Variants in BACH2 observed in about 807,000 individuals in gnomAD.
BACH2 encodes BACH transcriptional regulator 2.
A neutral mutation model predicts 61.8 loss-of-function variants in BACH2; 5 were observed. The ratio of observed to expected loss-of-function variants is 0.08; its 90% CI spans 0.04 to 0.17. BACH2 has a LOEUF of 0.17. Among genes scored for constraint, BACH2 ranks in the 10% least tolerant of loss-of-function variants. The pLI is 1.00. For synonymous variants in BACH2, 446 were observed against 440.1 expected (o/e 1.01, Z -0.17); for missense variants, 824 against 1,091.1 (o/e 0.76, Z 3.45).
At chr6:90,249,289 C>T (rs62408226) in intron 3 of BACH2, among the ~76,000 whole-genome samples, 1 of 152,072 alleles carries the variant, frequency 6.6e-6, no homozygotes, top group African/African-American at 2.4e-5. Context: ...TGTGATGTGG[C>T]CCCATAAAAA....
At chr6:90,191,764 C>T (rs1768582188) in intron 4 of BACH2, among the ~76,000 whole-genome samples, 1 of 152,108 alleles carries the variant, frequency 6.6e-6, no homozygotes, top group Non-Finnish European at 1.5e-5. Context: ...CAGTATCTGG[C>T]AAACAGGGAT....
intron 4 of BACH2, among the ~76,000 whole-genome samples, chr6:90,195,242 T>C (rs985969517): frequency 5.3e-5 from 8 of 152,170 alleles, no homozygotes; most frequent in African/African-American, 1.9e-4. Flanking sequence ...TTGTTGTGAA[T>C]GTCAGGGCTG....
intron 7 of BACH2, among the ~76,000 whole-genome samples, chr6:89,940,977 G>T (rs1387194995): frequency 2.6e-5 from 4 of 151,886 alleles, no homozygotes; most frequent in Admixed American, 6.6e-5. Context: ...CAAATGGACT[G>T]GACAGTGCCA....
At chr6:90,254,436 CT>C (rs571453016) in intron 2 of BACH2, among the ~76,000 whole-genome samples, 135 of 152,052 alleles carry the variant, frequency 8.9e-4, no homozygotes, top group African/African-American at 3.1e-3. Flanking sequence ...ATAAAATAAT[CT>C]GCTATATAAA....
chr6:90,256,731 C>T (rs925482065), intron 2 of BACH2, among the ~76,000 whole-genome samples: 11 of 152,232 alleles, frequency 7.2e-5, no homozygotes, highest in Middle Eastern at 3.4e-3. Context: ...ACATATCCAT[C>T]ATCTCAGTTA....
At chr6:89,990,846 A>G (rs1776506997) in intron 6 of BACH2, among the ~76,000 whole-genome samples, 2 of 152,234 alleles carry the variant, frequency 1.3e-5, no homozygotes. Context: ...GTGAAAGCTC[A>G]GAGTTTTGCC....
chr6:90,088,086 A>AG (rs1332774338), intron 5 of BACH2, among the ~76,000 whole-genome samples: 1 of 151,616 alleles, frequency 6.6e-6, no homozygotes, highest in African/African-American at 2.4e-5. Flanking sequence ...TATGTCCAGG[A>AG]GTTCAAGTGT....
chr6:90,132,491 T>C (rs1241553322), intron 4 of BACH2, among the ~76,000 whole-genome samples: 1 of 152,218 alleles, frequency 6.6e-6, no homozygotes, highest in Non-Finnish European at 1.5e-5. Flanking sequence ...TCTGTTGTCC[T>C]GGCCCCACCA....
intron 4 of BACH2, among the ~76,000 whole-genome samples, chr6:90,149,871 A>AGGGAGGAGCAT (rs887981271): frequency 7.2e-5 from 11 of 152,194 alleles, no homozygotes; most frequent in Admixed American, 6.5e-5. Flanking sequence ...GCTATCATTT[A>AGGGAGGAGCAT]GGGAGGAGCA....
In BACH2 at chr6:90,296,793, CGCTGCTGCT is replaced by C. The variant is rs556781951; in HGVS notation, c.-768_-760del. The stretch of plus-strand genomic sequence containing the variant: ...CCCGGGCGTGCACGGCCGCTGCTGC[CGCTGCTGCT>C]GCTGCTGCTGCTGCTGAGGCGGCGG... On this transcript the variant is annotated 5_prime_UTR_variant, in exon 1 of 9. Coordinates refer to ENST00000257749, the MANE Select transcript of BACH2 (RefSeq NM_021813.4). The C allele has an allele frequency of 2.9e-4, 51 of 173,950 alleles. No individual in the cohort carries two copies. The highest frequency in any genetic ancestry group is 9.4e-4 in the African/African-American group (39 of 41,672). 10.8% of individuals were successfully genotyped at this position (173,950 alleles called of 1,614,324 possible).
chr6:90,133,585 C>T (rs1784153899), intron 4 of BACH2, among the ~76,000 whole-genome samples: 1 of 151,836 alleles, frequency 6.6e-6, no homozygotes, highest in Non-Finnish European at 1.5e-5. Flanking sequence ...TACATGTGCA[C>T]AACGTGCAGG....
chr6:90,202,879 C>T lies in BACH2; in HGVS notation c.-162+3690G>A, dbSNP rs186032066. 2.0e-5 allele frequency among the ~76,000 whole-genome samples: 3 copies of T among 152,272 alleles called. No homozygotes were observed. The East Asian group carries it at 5.8e-4, about 29-fold the overall frequency. ...CAGTGGTCAGTATGCACTGAACGTA[C>T]ACCATCCTGCACAATTTGCCTCTAC... On this transcript the variant is annotated intron_variant, in intron 4 of 8. Coordinates refer to ENST00000257749, the MANE Select transcript of BACH2 (RefSeq NM_021813.4).
intron 3 of BACH2, among the ~76,000 whole-genome samples, chr6:90,219,253 T>C (rs1769654950): frequency 6.6e-6 from 1 of 152,160 alleles, no homozygotes; most frequent in South Asian, 2.1e-4. Context: ...GGCAATGTAA[T>C]GACACACTGT....
chr6:89,975,950 C>G (rs1775626315), intron 6 of BACH2, among the ~76,000 whole-genome samples: 1 of 152,194 alleles, frequency 6.6e-6, no homozygotes, highest in Admixed American at 6.5e-5. Flanking sequence ...TGATCAAACA[C>G]TGTGTCAGCG....
intron 1 of BACH2, among the ~76,000 whole-genome samples, chr6:90,286,269 A>G (rs186318070): frequency 2.6e-5 from 4 of 152,324 alleles, no homozygotes; most frequent in African/African-American, 9.6e-5. Flanking sequence ...AACACGCTTA[A>G]CATAAGTGGA....
chr6:89,955,631 C>T, intron 6 of BACH2, among the ~76,000 whole-genome samples: 1 of 152,160 alleles, frequency 6.6e-6, no homozygotes, highest in East Asian at 1.9e-4. Context: ...AGCAAGTGCC[C>T]ATCACACCTG....
intron 3 of BACH2, among the ~76,000 whole-genome samples, chr6:90,216,577 CATA>C: frequency 6.6e-6 from 1 of 152,322 alleles, no homozygotes; most frequent in African/African-American, 2.4e-5. Flanking sequence ...TCTGCATAAC[CATA>C]CTCAAAAGTA....
At chr6:90,107,959 T>C (rs1181949049) in intron 4 of BACH2, among the ~76,000 whole-genome samples, 1 of 152,212 alleles carries the variant, frequency 6.6e-6, no homozygotes, top group African/African-American at 2.4e-5. Flanking sequence ...AAATCCTGCT[T>C]GGTAAATTCC....
At chr6:90,119,585 T>C (rs1783542201) in intron 4 of BACH2, among the ~76,000 whole-genome samples, 2 of 152,094 alleles carry the variant, frequency 1.3e-5, no homozygotes, top group African/African-American at 2.4e-5. Flanking sequence ...CTTATAAAAA[T>C]ATATACTGTT....
Sources: allele counts gnomAD v4.1 joint callset (sites outside exome capture counted in the v4.1 genomes callset), GRCh38; gene constraint gnomAD v4.1.1; transcripts MANE v1.5; gene names NCBI Gene and HGNC (gene_info 2026-07-23, HGNC 2026-07-21).